Variants in ITPKB observed in about 807,000 individuals in gnomAD.
ITPKB encodes IP3 3-kinase B.
Under a neutral mutation model 69.4 loss-of-function variants are expected in ITPKB, and 13 were observed. The ratio of observed to expected loss-of-function variants is 0.19; its 90% CI spans 0.12 to 0.30. The LOEUF (loss-of-function observed/expected upper bound fraction) is 0.30, where lower values mean the gene tolerates loss of function less well. ITPKB is among the 10% of genes least tolerant of loss of function. ITPKB has a pLI of 1.00. For missense variants in ITPKB, 1,240 were observed against 1,250.5 expected (o/e 0.99, Z 0.13); for synonymous variants, 584 against 513.7 (o/e 1.14, Z -1.85).
intron 2 of ITPKB, among the ~76,000 whole-genome samples, chr1:226,677,951 C>T (rs946803514): frequency 1.3e-5 from 2 of 152,158 alleles, no homozygotes; most frequent in Non-Finnish European, 2.9e-5. Flanking sequence ...TGTATTATTT[C>T]ACTTGTACAG....
rs760515908 is a variant in ITPKB, at chr1:226,637,748, G to T, written c.2556C>A (p.Ile852=). ...EFTKGNHNIL[I]AYRDRLKAIR... ...TGGCCTTCAGCCGGTCCCGATAGGC[G>T]ATCTGGGAATAGAAAGAGGACCAGA... Residue 852 remains isoleucine, a splice_region_variant and synonymous_variant, in exon 7 of 8, where the codon ATC becomes ATA. Transcript: ENST00000429204. The surrounding 1 kb of genome is among the most constrained non-coding windows in gnomAD (Gnocchi z 4.3). The T allele has an allele frequency of 1.9e-6, 3 of 1,612,788 alleles. No homozygotes were observed. The highest frequency in any genetic ancestry group is 2.5e-6 in the Non-Finnish European group (3 of 1,179,056).
chr1:226,639,717 G>C (rs1668914743), intron 5 of ITPKB, 59 bp from the exon 6 acceptor site: 5 of 1,138,446 alleles, frequency 4.4e-6, no homozygotes, highest in Middle Eastern at 2.3e-4. Flanking sequence ...GGCAGAAACT[G>C]TTCTCACCCA....
chr1:226,700,626 T>C (rs138145001), intron 2 of ITPKB, among the ~76,000 whole-genome samples: 83 of 152,172 alleles, frequency 5.5e-4, no homozygotes, highest in African/African-American at 1.9e-3. Context: ...ATAAACCCAA[T>C]GCCAAAAGTG....
intron 2 of ITPKB, among the ~76,000 whole-genome samples, chr1:226,706,142 A>G (rs1400029407): frequency 6.6e-6 from 1 of 152,252 alleles, no homozygotes; most frequent in Non-Finnish European, 1.5e-5. Context: ...TTTCCACTCC[A>G]CAAACCTGTA....
At chr1:226,680,371 A>AG (rs945648938) in intron 2 of ITPKB, among the ~76,000 whole-genome samples, 3 of 152,104 alleles carry the variant, frequency 2.0e-5, no homozygotes, top group Non-Finnish European at 2.9e-5. Flanking sequence ...TTTGGCAGAG[A>AG]GGGGGGAGGT....
At chr1:226,661,545 A>T (rs1471499271) in intron 2 of ITPKB, among the ~76,000 whole-genome samples, 2 of 152,208 alleles carry the variant, frequency 1.3e-5, no homozygotes, top group Non-Finnish European at 2.9e-5. Context: ...TTATAGCCAG[A>T]TAAACTGAGA....
intron 7 of ITPKB, among the ~76,000 whole-genome samples, chr1:226,636,592 G>A (rs1469612418): frequency 2.0e-5 from 3 of 152,226 alleles, no homozygotes; most frequent in Admixed American, 1.3e-4. Flanking sequence ...GGCTGAGGCT[G>A]AGGCCACCTC....
chr1:226,731,992 C>T lies in ITPKB; in HGVS notation c.1932+3535G>A, dbSNP rs541034749. Reference sequence around the variant, plus strand: ...GGTTTACCCCAAACTAAAATTTTTACACACTTTTCAAAACCACATAAAACC... The same window carrying T: ...GGTTTACCCCAAACTAAAATTTTTATACACTTTTCAAAACCACATAAAACC... On this transcript the variant is annotated intron_variant, in intron 2 of 7. Transcript: ENST00000429204. Among the ~76,000 whole-genome samples, 10 of 150,114 alleles carry T rather than the reference C, an allele frequency of 6.7e-5. 1 individual carries two copies. Among genetic ancestry groups the T allele is most frequent in the Middle Eastern group, 3.4e-3 (1 of 294 alleles).
At chr1:226,696,199 C>T (rs954868429) in intron 2 of ITPKB, among the ~76,000 whole-genome samples, 3 of 152,116 alleles carry the variant, frequency 2.0e-5, no homozygotes, top group Non-Finnish European at 2.9e-5. Flanking sequence ...CTCACTAAGC[C>T]TTAGTTTCCA....
intron 2 of ITPKB, among the ~76,000 whole-genome samples, chr1:226,680,717 C>A (rs1176611283): frequency 3.3e-5 from 5 of 152,128 alleles, no homozygotes; most frequent in Non-Finnish European, 7.4e-5. Context: ...AAAGTCAGAT[C>A]GAGGGAACTA....
chr1:226,648,789 A>G lies in ITPKB; in HGVS notation c.1933-18T>C. The G allele has an allele frequency of 6.6e-7, 1 of 1,504,114 alleles. No individual in the cohort carries two copies. Among genetic ancestry groups the G allele is most frequent in the Non-Finnish European group, 9.3e-7 (1 of 1,079,516 alleles). 93.2% of individuals were successfully genotyped at this position (1,504,114 alleles called of 1,614,324 possible). A position where few individuals can be genotyped will look rare whatever the true frequency, so the allele number is the denominator to read the frequency against. ...GATTTGCTCTAGAAACAAACAAACA[A>G]AAAGCTCTACATTAGAAAGACAACC... On this transcript the variant is annotated intron_variant, in intron 2 of 7. Coordinates refer to ENST00000429204, the MANE Select transcript of ITPKB (RefSeq NM_002221.4).
chr1:226,680,797 C>T (rs533838546), intron 2 of ITPKB, among the ~76,000 whole-genome samples: 1 of 152,264 alleles, frequency 6.6e-6, no homozygotes, highest in Non-Finnish European at 1.5e-5. Context: ...AGCCCTTTTG[C>T]CTTGAAGCCC....
intron 2 of ITPKB, among the ~76,000 whole-genome samples, chr1:226,674,525 G>T (rs1669688048): frequency 6.6e-6 from 1 of 152,036 alleles, no homozygotes. Context: ...TTAGAGACGG[G>T]GTTTCACTAT....
intron 2 of ITPKB, among the ~76,000 whole-genome samples, chr1:226,670,869 G>A (rs55923278): frequency 0.022 from 3,339 of 152,286 alleles, 56 homozygotes; most frequent in Middle Eastern, 0.048. Context: ...TCATCATTAT[G>A]ATCGTAGGGT....
chr1:226,707,227 G>T, intron 2 of ITPKB: 1 of 424,446 alleles, frequency 2.4e-6, no homozygotes, highest in Non-Finnish European at 3.1e-6. Flanking sequence ...ATGGAGTTTA[G>T]CTCTTTCGCC....
At chr1:226,649,499 C>T (rs1249198702) in intron 2 of ITPKB, among the ~76,000 whole-genome samples, 1 of 144,558 alleles carries the variant, frequency 6.9e-6, no homozygotes, top group Non-Finnish European at 1.5e-5. Context: ...TCAGTGTGTG[C>T]ATGCGTGATA....
intron 2 of ITPKB, among the ~76,000 whole-genome samples, chr1:226,658,666 A>T (rs1358525911): frequency 6.6e-6 from 1 of 152,166 alleles, no homozygotes; most frequent in Non-Finnish European, 1.5e-5. Flanking sequence ...CCGCCGTGTG[A>T]TGTTCCCGCA....
chr1:226,681,647 T>TTGCATA (rs1471941099), intron 2 of ITPKB, among the ~76,000 whole-genome samples: 1 of 152,208 alleles, frequency 6.6e-6, no homozygotes, highest in Non-Finnish European at 1.5e-5. Context: ...AAAGCCCAAT[T>TTGCATA]TGCATATTTT....
At chr1:226,715,860 G>A (rs1256721910) in intron 2 of ITPKB, among the ~76,000 whole-genome samples, 1 of 152,162 alleles carries the variant, frequency 6.6e-6, no homozygotes. Context: ...GCCCAGACTG[G>A]AGTGCAGTGA....
Sources: allele counts gnomAD v4.1 joint callset (sites outside exome capture counted in the v4.1 genomes callset), GRCh38; gene constraint gnomAD v4.1.1; non-coding constraint Gnocchi (gnomAD v3.1); transcripts MANE v1.5; gene names NCBI Gene and HGNC (gene_info 2026-07-23, HGNC 2026-07-21).